Variants in KALRN observed in about 807,000 individuals in gnomAD.
The protein encoded by KALRN is kalirin RhoGEF kinase.
Under a neutral mutation model 353.7 loss-of-function variants are expected in KALRN, and 70 were observed. The ratio of observed to expected loss-of-function variants is 0.20; its 90% CI spans 0.16 to 0.24. KALRN has a LOEUF of 0.24. Among genes scored for constraint, KALRN ranks in the 10% least tolerant of loss-of-function variants. The pLI is 1.00. For missense variants in KALRN, 2,791 were observed against 3,756.7 expected, an observed-to-expected ratio of 0.74 and a Z score of 6.72; for synonymous variants, 1,391 against 1,434.8, an observed-to-expected ratio of 0.97 and a Z score of 0.69.
intron 1 of KALRN, among the ~76,000 whole-genome samples, chr3:124,210,743 T>G (rs1326447593): frequency 6.6e-6 from 1 of 152,244 alleles, no homozygotes; most frequent in Non-Finnish European, 1.5e-5. Flanking sequence ...TCAGTTGCTC[T>G]GTAGATGCCT....
chr3:124,282,228 C>T (rs1363933751), intron 5 of KALRN, among the ~76,000 whole-genome samples: 2 of 151,922 alleles, frequency 1.3e-5, no homozygotes, highest in Non-Finnish European at 2.9e-5. Flanking sequence ...GGAACAATTC[C>T]CGAAGACATT....
intron 34 of KALRN, chr3:124,585,035 A>T: frequency 8.8e-7 from 1 of 1,132,034 alleles, no homozygotes; most frequent in Non-Finnish European, 1.2e-6. Context: ...GGGGATCAGG[A>T]GGGCGGCGAA....
At chr3:124,059,001 T>C (rs2041793554) in intron 1 of KALRN, among the ~76,000 whole-genome samples, 1 of 152,208 alleles carries the variant, frequency 6.6e-6, no homozygotes, top group South Asian at 2.1e-4. Flanking sequence ...TTCCACTGGG[T>C]ATGTGCTCCT....
intron 1 of KALRN, among the ~76,000 whole-genome samples, chr3:124,198,259 CTG>C (rs1209777058): frequency 6.6e-6 from 1 of 152,148 alleles, no homozygotes; most frequent in Admixed American, 6.5e-5. Flanking sequence ...TTGGACAACA[CTG>C]GGTTTGATTC....
chr3:124,104,473 A>G (rs1019037290), intron 1 of KALRN, among the ~76,000 whole-genome samples: 10 of 151,940 alleles, frequency 6.6e-5, no homozygotes, highest in African/African-American at 1.9e-4. Flanking sequence ...TGCTTGGGGA[A>G]TGAAGACTAA....
intron 1 of KALRN, among the ~76,000 whole-genome samples, chr3:124,205,268 A>T (rs1387501847): frequency 1.3e-5 from 2 of 152,202 alleles, no homozygotes; most frequent in African/African-American, 4.8e-5. Context: ...GCTGGCAAAA[A>T]TTCTGAAAAT....
At chr3:124,156,151 G>C (rs2068954669) in intron 1 of KALRN, among the ~76,000 whole-genome samples, 1 of 152,180 alleles carries the variant, frequency 6.6e-6, no homozygotes, top group East Asian at 1.9e-4. Flanking sequence ...CCTCCTCTTA[G>C]GGGACTTGGA....
chr3:124,666,501 T>C lies in KALRN; in HGVS notation c.6398T>C (p.Ile2133Thr), dbSNP rs762156107. 1 of 1,614,042 alleles carries C rather than the reference T, an allele frequency of 6.2e-7. No individual in the cohort carries two copies. Among genetic ancestry groups the C allele is most frequent in the East Asian group, 2.2e-5 (1 of 44,890 alleles). The change falls in exon 46 of 60, where the codon ATC (isoleucine) becomes ACC (threonine). Residue 2133 changes from isoleucine to threonine, a missense_variant. By Grantham distance (89) the Ile-to-Thr change is moderately conservative. Transcript: ENST00000682506. ...CTGCAGCAGGACACATTCTATGTGA[T>C]CGAGCTGGATGCAGGCATGCAGTCC... is the stretch of plus-strand genomic sequence containing the variant. ...KLLQQDTFYV[I>T]ELDAGMQSRT...
chr3:124,677,006 A>T (rs1003351040), intron 49 of KALRN, among the ~76,000 whole-genome samples: 1 of 152,166 alleles, frequency 6.6e-6, no homozygotes, highest in Non-Finnish European at 1.5e-5. Context: ...GTGTTAGCGG[A>T]TAAATATTTT....
Position 124,269,156 on chromosome 3 carries a change from G to T in KALRN, c.870G>T (p.Leu290=), listed in dbSNP as rs1355525159. 1 of 1,613,250 alleles carries T rather than the reference G, an allele frequency of 6.2e-7. No individual in the cohort carries two copies. The highest frequency in any genetic ancestry group is 8.5e-7 in the Non-Finnish European group (1 of 1,179,684). ...AGATCACCAGTCTCCTGGACAAGCTGCACTCCACCCGGCAGCACCTGCACC... is the reference window on the plus strand; with the variant it reads ...AGATCACCAGTCTCCTGGACAAGCTTCACTCCACCCGGCAGCACCTGCACC... ...VPKITSLLDK[L]HSTRQHLHQM... The change falls in exon 5 of 60, where the codon CTG becomes CTT. Residue 290 remains leucine, a synonymous_variant. Transcript: ENST00000682506.
chr3:124,093,110 C>T (rs1243629350), intron 1 of KALRN, among the ~76,000 whole-genome samples: 8 of 152,152 alleles, frequency 5.3e-5, no homozygotes. Flanking sequence ...CAGGGGCAGG[C>T]GGTGGAGGTT....
intron 5 of KALRN, among the ~76,000 whole-genome samples, chr3:124,275,323 A>G (rs574604916): frequency 2.6e-5 from 4 of 152,268 alleles, no homozygotes; most frequent in African/African-American, 9.6e-5. Flanking sequence ...TCCACTAAAT[A>G]AATATCTAAG....
intron 47 of KALRN, among the ~76,000 whole-genome samples, chr3:124,669,980 C>CT (rs869272576): frequency 2.3e-5 from 2 of 87,034 alleles, no homozygotes; most frequent in African/African-American, 8.3e-5. Flanking sequence ...TTTTTTTTTT[C>CT]TTTTTTTGAG....
At position 124,439,200 on chromosome 3, in the gene KALRN, T is replaced by TCACA. The variant is rs376221553; in HGVS notation, c.3198+197_3198+200dup. On this transcript the variant is annotated intron_variant, in intron 18 of 59. Coordinates refer to ENST00000682506, the MANE Select transcript of KALRN (RefSeq NM_001388419.1). Reference sequence around the variant, plus strand: ...TCCTTCTTCTCCTTCTCTCTCTCTCTCACACACACACACACACACACACAC... The same window carrying TCACA: ...TCCTTCTTCTCCTTCTCTCTCTCTCTCACACACACACACACACACACACACACAC... 4.1e-3 allele frequency among the ~76,000 whole-genome samples: 410 copies of TCACA among 98,950 alleles called. 4 individuals carry two copies. Among genetic ancestry groups the TCACA allele is most frequent in the African/African-American group, 5.8e-3 (166 of 28,422 alleles). 64.9% of individuals were successfully genotyped at this position (98,950 alleles called of 152,430 possible).
At chr3:124,498,040 A>G (rs1163463944) in intron 33 of KALRN, among the ~76,000 whole-genome samples, 1 of 152,192 alleles carries the variant, frequency 6.6e-6, no homozygotes, top group Non-Finnish European at 1.5e-5. Context: ...ACTTTATTCT[A>G]CAAGTAAGGA....
chr3:124,149,844 G>A (rs977668360), intron 1 of KALRN, among the ~76,000 whole-genome samples: 1 of 152,174 alleles, frequency 6.6e-6, no homozygotes. Flanking sequence ...CAATACACAC[G>A]GCAGAGTAGG....
At chr3:124,501,185 T>G (rs576732864) in intron 33 of KALRN, among the ~76,000 whole-genome samples, 3 of 152,034 alleles carry the variant, frequency 2.0e-5, no homozygotes, top group Non-Finnish European at 4.4e-5. Context: ...GAGAGGGAGA[T>G]TGAAGTGAAA....
At chr3:124,552,505 T>C (rs1396152982) in intron 33 of KALRN, among the ~76,000 whole-genome samples, 1 of 152,174 alleles carries the variant, frequency 6.6e-6, no homozygotes, top group Non-Finnish European at 1.5e-5. Context: ...TAAATAAACA[T>C]GTATTATCTA....
At chr3:124,163,437 G>C (rs114193745) in intron 1 of KALRN, 1 of 183,108 alleles carries the variant, frequency 5.5e-6, no homozygotes, top group African/African-American at 2.4e-5. Context: ...CAGAGACGAG[G>C]TCCTAAGGTA....
Sources: allele counts gnomAD v4.1 joint callset (sites outside exome capture counted in the v4.1 genomes callset), GRCh38; gene constraint gnomAD v4.1.1; transcripts MANE v1.5; gene names NCBI Gene and HGNC (gene_info 2026-07-23, HGNC 2026-07-21).